The following CDK14 variants were observed in gnomAD, a reference collection of about 807,000 sequenced individuals.
The protein encoded by CDK14 is cyclin dependent kinase 14.
Under a neutral mutation model 60.7 loss-of-function variants are expected in CDK14, and 34 were observed. That is an observed-to-expected ratio of 0.56 (90% CI 0.43 to 0.75). The LOEUF (loss-of-function observed/expected upper bound fraction) is 0.75. Ranked by LOEUF, CDK14 falls within the 30% of genes least tolerant of loss-of-function variation. The pLI is 0.00. For synonymous variants in CDK14, 197 were observed against 203.7 expected (o/e 0.97, Z 0.28); for missense variants, 482 against 564.1 (o/e 0.85, Z 1.47).
chr7:91,011,607 A>G (rs1171940367), intron 10 of CDK14, among the ~76,000 whole-genome samples: 1 of 152,038 alleles, frequency 6.6e-6, no homozygotes, highest in African/African-American at 2.4e-5. Flanking sequence ...ACTGATTATC[A>G]CATGACTCAC....
chr7:90,808,923 A>G (rs977020444), intron 5 of CDK14, among the ~76,000 whole-genome samples: 1 of 152,230 alleles, frequency 6.6e-6, no homozygotes, highest in Non-Finnish European at 1.5e-5. Flanking sequence ...AGAGCTAATT[A>G]TCCTAAATAT....
chr7:90,866,193 A>G (rs2117230632), intron 6 of CDK14, among the ~76,000 whole-genome samples: 1 of 151,364 alleles, frequency 6.6e-6, no homozygotes, highest in East Asian at 1.9e-4. Context: ...ATTGTCACAT[A>G]TATGCCACTA....
intron 2 of CDK14, among the ~76,000 whole-genome samples, chr7:90,659,867 CTCTCTCTCTGTGTG>C (rs1563034352): frequency 4.7e-5 from 7 of 148,680 alleles, no homozygotes; most frequent in African/African-American, 1.8e-4. Context: ...CTCTCTCTCT[CTCTCTCTCTGTGTG>C]TGTGTGTGTG....
At chr7:90,786,282 A>G (rs548180885) in intron 4 of CDK14, among the ~76,000 whole-genome samples, 2 of 152,328 alleles carry the variant, frequency 1.3e-5, no homozygotes, top group Admixed American at 1.3e-4. Flanking sequence ...TATTTACCTG[A>G]ATTAACGTCT....
chr7:90,841,019 G>A (rs562728680), intron 5 of CDK14, among the ~76,000 whole-genome samples: 1 of 152,206 alleles, frequency 6.6e-6, no homozygotes, highest in East Asian at 1.9e-4. Context: ...AAAAGAAATG[G>A]GAGGGAAGGT....
chr7:90,776,456 G>A lies in CDK14; in HGVS notation c.465-14117G>A, dbSNP rs563837856. ...TGGATGATTAAAGTCTCTCAAAACC[G>A]AACAATCAAACATCAAAGCAGATAA... On this transcript the variant is annotated intron_variant, in intron 4 of 14. Transcript: ENST00000380050. 4.5e-4 allele frequency among the ~76,000 whole-genome samples: 69 copies of A among 152,214 alleles called. 1 individual carries two copies. The East Asian group carries it at 0.01, about 23-fold the overall frequency.
intron 10 of CDK14, among the ~76,000 whole-genome samples, chr7:91,041,385 G>A (rs931341070): frequency 2.0e-5 from 3 of 152,064 alleles, no homozygotes; most frequent in African/African-American, 7.2e-5. Context: ...TGTATTTCCA[G>A]CTGCCCAATC....
chr7:90,728,205 T>A (rs1211681951), intron 3 of CDK14, among the ~76,000 whole-genome samples: 1 of 152,086 alleles, frequency 6.6e-6, no homozygotes, highest in Admixed American at 6.6e-5. Flanking sequence ...TTTCTTTTCA[T>A]CCCTGGTGTC....
chr7:91,132,669 A>T (rs1435586777), intron 14 of CDK14, among the ~76,000 whole-genome samples: 1 of 152,138 alleles, frequency 6.6e-6, no homozygotes, highest in East Asian at 1.9e-4. Context: ...TTCCATTCAC[A>T]TTTATGCCTA....
At chr7:90,825,357 T>G (rs1455095832) in intron 5 of CDK14, among the ~76,000 whole-genome samples, 1 of 152,102 alleles carries the variant, frequency 6.6e-6, no homozygotes, top group African/African-American at 2.4e-5. Flanking sequence ...TAAAGGGCCC[T>G]GTAGGACCCT....
At chr7:90,801,458 C>T (rs1224904412) in intron 5 of CDK14, among the ~76,000 whole-genome samples, 1 of 152,108 alleles carries the variant, frequency 6.6e-6, no homozygotes, top group Non-Finnish European at 1.5e-5. Flanking sequence ...AGATAGATTA[C>T]ATCTGTCAAG....
intron 5 of CDK14, among the ~76,000 whole-genome samples, chr7:90,849,677 G>A (rs1479049661): frequency 6.6e-6 from 1 of 151,960 alleles, no homozygotes; most frequent in African/African-American, 2.4e-5. Context: ...GCACAGGATG[G>A]CAGAGGTTCT....
chr7:90,678,174 C>T (rs7792234), intron 2 of CDK14, among the ~76,000 whole-genome samples: 89,545 of 151,998 alleles, frequency 0.59, 26,611 homozygotes, highest in East Asian at 0.77. Flanking sequence ...AAGGGAAGCC[C>T]GCTTATGCTC....
intron 12 of CDK14, among the ~76,000 whole-genome samples, chr7:91,091,908 C>T (rs990330163): frequency 2.6e-5 from 4 of 151,880 alleles, no homozygotes; most frequent in Admixed American, 1.3e-4. Context: ...AGTTTTAAGA[C>T]ATCAGTAGAC....
intron 8 of CDK14, among the ~76,000 whole-genome samples, chr7:90,926,999 G>A (rs1391580518): frequency 2.0e-5 from 3 of 152,168 alleles, no homozygotes; most frequent in Non-Finnish European, 4.4e-5. Flanking sequence ...ATAGGGCAAG[G>A]TAGGGAGGAA....
intron 10 of CDK14, among the ~76,000 whole-genome samples, chr7:90,988,286 T>C (rs1266710092): frequency 6.6e-6 from 1 of 152,196 alleles, no homozygotes; most frequent in African/African-American, 2.4e-5. Flanking sequence ...ATCTGAAATT[T>C]CACTGTTAAA....
chr7:90,827,400 G>A (rs1789762677), intron 5 of CDK14, among the ~76,000 whole-genome samples: 1 of 152,172 alleles, frequency 6.6e-6, no homozygotes, highest in Admixed American at 6.5e-5. Flanking sequence ...TATGAATAAA[G>A]CAGCTATACA....
At chr7:90,701,247 A>T (rs1801780269) in intron 2 of CDK14, among the ~76,000 whole-genome samples, 1 of 152,140 alleles carries the variant, frequency 6.6e-6, no homozygotes, top group African/African-American at 2.4e-5. Flanking sequence ...ATCTATAAGG[A>T]TAGTCAGTTT....
intron 5 of CDK14, among the ~76,000 whole-genome samples, chr7:90,825,255 C>A (rs940576941): frequency 6.6e-6 from 1 of 152,148 alleles, no homozygotes; most frequent in African/African-American, 2.4e-5. Flanking sequence ...ATCTATGGGG[C>A]TGTGATGGTG....
Sources: allele counts gnomAD v4.1 joint callset (sites outside exome capture counted in the v4.1 genomes callset), GRCh38; gene constraint gnomAD v4.1.1; transcripts MANE v1.5; gene names NCBI Gene and HGNC (gene_info 2026-07-23, HGNC 2026-07-21).